TYW1: variants seen among roughly 807,000 people sequenced by gnomAD.
TYW1 encodes the protein S-adenosyl-L-methionine-dependent tRNA 4-demethylwyosine synthase TYW1.
In TYW1, 46 loss-of-function variants were observed where a neutral mutation model predicts 96.2. The ratio of observed to expected loss-of-function variants is 0.48; its 90% confidence interval spans 0.38 to 0.61. The LOEUF (loss-of-function observed/expected upper bound fraction) is 0.61, where lower values mean the gene tolerates loss of function less well. Among genes scored for constraint, TYW1 ranks in the 20% least tolerant of loss-of-function variants. The probability of loss-of-function intolerance (pLI) is 0.00; values close to 1 mark genes in which losing one functional copy is unlikely to be tolerated. For missense variants in TYW1, 684 were observed against 909.6 expected (o/e 0.75, Z 3.19); for synonymous variants, 274 against 323.0 (o/e 0.85, Z 1.63).
chr7:67,227,855 C>G (rs1016783332), intron 15 of TYW1, among the ~76,000 whole-genome samples: 7 of 152,230 alleles, frequency 4.6e-5, no homozygotes, highest in African/African-American at 1.7e-4. Context: ...CTCCTAGACT[C>G]GGTCCCACGT....
chr7:67,001,637 T>G (rs552079089), intron 3 of TYW1, among the ~76,000 whole-genome samples: 19 of 151,712 alleles, frequency 1.3e-4, no homozygotes, highest in African/African-American at 4.6e-4. Context: ...GGTCAGACTG[T>G]TCTCGAACTC....
chr7:67,190,632 C>T (rs1371278436), intron 14 of TYW1, among the ~76,000 whole-genome samples: 2 of 152,200 alleles, frequency 1.3e-5, no homozygotes, highest in Non-Finnish European at 2.9e-5. Flanking sequence ...AAGACAGGGG[C>T]TTGAATGGCT....
chr7:67,220,760 G>A (rs1427685731), intron 15 of TYW1, among the ~76,000 whole-genome samples: 1 of 147,022 alleles, frequency 6.8e-6, no homozygotes, highest in Non-Finnish European at 1.5e-5. Flanking sequence ...TTTTTGAGAC[G>A]GAGTTTTGCT....
chr7:67,151,054 T>TC (rs1798783592), intron 13 of TYW1, among the ~76,000 whole-genome samples: 1 of 47,424 alleles, frequency 2.1e-5, no homozygotes, highest in East Asian at 5.0e-4. Flanking sequence ...TCTTCTTCTT[T>TC]TTTTTTTTTT....
chr7:67,067,196 A>G (rs1459733627), intron 9 of TYW1, 89 bp from the exon 10 acceptor site: 20 of 1,398,670 alleles, frequency 1.4e-5, no homozygotes, highest in Non-Finnish European at 1.3e-5. Flanking sequence ...GTTACGAAAC[A>G]CATGGTTTCT....
At chr7:66,998,984 G>C (rs377103208) in intron 3 of TYW1, 30 bp downstream of exon 3, 44 of 1,611,624 alleles carry the variant, frequency 2.7e-5, no homozygotes, top group Admixed American at 1.8e-4. Flanking sequence ...CTTTTCCTTT[G>C]GTTTCCTGAC....
chr7:67,160,522 G>GTATACATATACATATACATATACA lies in TYW1; in HGVS notation c.1699-22579_1699-22556dup, dbSNP rs58873729. ...AAGGACTTAAGGACTTAAGGTATGT[G>GTATACATATACATATACATATACA]TATACATATACATATACATATACAT... On this transcript the variant is annotated intron_variant, in intron 13 of 15. Coordinates refer to ENST00000359626, the MANE Select transcript of TYW1 (RefSeq NM_018264.4). Among the ~76,000 whole-genome samples, 221 of 145,588 alleles carry GTATACATATACATATACATATACA rather than the reference G, an allele frequency of 1.5e-3. 3 individuals carry two copies. Among genetic ancestry groups the GTATACATATACATATACATATACA allele is most frequent in the Admixed American group, 7.2e-3 (104 of 14,390 alleles).
chr7:67,072,758 T>C (rs1426777876), intron 10 of TYW1, among the ~76,000 whole-genome samples: 1 of 152,010 alleles, frequency 6.6e-6, no homozygotes, highest in African/African-American at 2.4e-5. Flanking sequence ...ATAAGGTCTG[T>C]TAAAAAATGA....
intron 9 of TYW1, among the ~76,000 whole-genome samples, chr7:67,057,976 T>C (rs550900708): frequency 1.3e-5 from 2 of 152,348 alleles, no homozygotes; most frequent in African/African-American, 2.4e-5. Flanking sequence ...CACAAAGATA[T>C]TCTAGATTTT....
intron 13 of TYW1, among the ~76,000 whole-genome samples, chr7:67,160,034 C>G (rs953373039): frequency 6.6e-6 from 1 of 152,090 alleles, no homozygotes; most frequent in African/African-American, 2.4e-5. Context: ...GATCTCCTGA[C>G]CTCGTGATCA....
chr7:67,004,820 A>G (rs149944642), intron 3 of TYW1, among the ~76,000 whole-genome samples: 219 of 152,226 alleles, frequency 1.4e-3, no homozygotes, highest in African/African-American at 4.6e-3. Context: ...CAGTGGTGCG[A>G]TCTCAGCTCA....
intron 13 of TYW1, among the ~76,000 whole-genome samples, chr7:67,160,661 G>A (rs1444089788): frequency 6.7e-6 from 1 of 149,166 alleles, no homozygotes; most frequent in African/African-American, 2.5e-5. Flanking sequence ...ATGCGATTTC[G>A]GCTCACTACC....
intron 15 of TYW1, among the ~76,000 whole-genome samples, chr7:67,235,757 G>A (rs2116455685): frequency 6.6e-6 from 1 of 152,092 alleles, no homozygotes; most frequent in Middle Eastern, 3.4e-3. Flanking sequence ...AGCCAGGTGT[G>A]GTGGCAGGTG....
At chr7:67,213,575 C>T (rs1222553611) in intron 15 of TYW1, among the ~76,000 whole-genome samples, 4 of 152,186 alleles carry the variant, frequency 2.6e-5, no homozygotes, top group Non-Finnish European at 4.4e-5. Flanking sequence ...ATGGATCCTA[C>T]TTTTGATGGT....
chr7:67,078,718 A>T (rs1796286294), intron 10 of TYW1, among the ~76,000 whole-genome samples: 1 of 151,954 alleles, frequency 6.6e-6, no homozygotes, highest in South Asian at 2.1e-4. Context: ...TTTGAGACAG[A>T]GTCTCGCTCT....
At chr7:67,174,598 G>GT (rs200441951) in intron 13 of TYW1, among the ~76,000 whole-genome samples, 3,024 of 143,880 alleles carry the variant, frequency 0.021, 110 homozygotes, top group African/African-American at 0.069. Context: ...TACCCACAAT[G>GT]TTTTTTTTTT....
At position 67,120,515 on chromosome 7, in the gene TYW1, G is replaced by T. The variant is rs1760047724; in HGVS notation, c.1698+2897G>T. On this transcript the variant is annotated intron_variant, in intron 13 of 15. Coordinates refer to ENST00000359626, the MANE Select transcript of TYW1 (RefSeq NM_018264.4). ...GTTTTATGCCCGAAGTTAAATCCAT[G>T]CTTTCTTTGGTTATTAATACTGATG... Among the ~76,000 whole-genome samples, 3 of 152,142 alleles carry T rather than the reference G, an allele frequency of 2.0e-5. No individual in the cohort carries two copies. The South Asian group carries it at 6.2e-4, about 31-fold the overall frequency.
At chr7:67,014,662 A>G (rs1793952862) in intron 5 of TYW1, 101 bp downstream of exon 5, 1 of 1,340,774 alleles carries the variant, frequency 7.5e-7, no homozygotes, top group Non-Finnish European at 1.0e-6. Context: ...CACACACATA[A>G]ACACACATGT....
chr7:67,150,296 G>C (rs1038278083), intron 13 of TYW1, among the ~76,000 whole-genome samples: 1 of 152,092 alleles, frequency 6.6e-6, no homozygotes, highest in Non-Finnish European at 1.5e-5. Flanking sequence ...AAGTAGAGAA[G>C]CAGAGTCCAC....
Sources: gnomAD v4.1 joint callset for allele counts (sites outside exome capture counted in the v4.1 genomes callset) on GRCh38, gnomAD v4.1.1 for gene constraint, MANE v1.5 for transcripts, NCBI Gene and HGNC (gene_info 2026-07-23, HGNC 2026-07-21) for gene names.